Variants in C12orf42 observed in about 807,000 individuals in gnomAD.
C12orf42 encodes the protein chromosome 12 open reading frame 42, also known as uncharacterized protein C12orf42.
A neutral mutation model predicts 21.6 loss-of-function variants in C12orf42; 25 were observed. The ratio of observed to expected loss-of-function variants is 1.16; its 90% CI spans 0.84 to 1.62. The LOEUF (loss-of-function observed/expected upper bound fraction) is 1.62. Among genes scored for constraint, C12orf42 ranks in the 40% most tolerant of loss-of-function variants. The probability of loss-of-function intolerance (pLI) is 0.00; values close to 1 mark genes in which losing one functional copy is unlikely to be tolerated. For missense variants in C12orf42, 483 were observed against 459.3 expected (o/e 1.05, Z -0.47); for synonymous variants, 174 against 175.0 (o/e 0.99, Z 0.05).
At chr12:103,281,929 AAG>A (rs2036155561) in intron 4 of C12orf42, among the ~76,000 whole-genome samples, 1 of 149,084 alleles carries the variant, frequency 6.7e-6, no homozygotes, top group Non-Finnish European at 1.5e-5. Context: ...GAAAGAAAGA[AAG>A]AAAGAAAGAA....
chr12:103,225,405 G>A, the C12orf42 span, among the ~76,000 whole-genome samples: 3 of 152,162 alleles, frequency 2.0e-5, no homozygotes, highest in East Asian at 1.9e-4. Flanking sequence ...TTTTTAAAGC[G>A]TGTTGCGGGA....
the C12orf42 span, among the ~76,000 whole-genome samples, chr12:103,212,939 C>CATAT: frequency 8.0e-5 from 12 of 149,290 alleles, no homozygotes; most frequent in African/African-American, 2.5e-4. Context: ...ACACGCACTA[C>CATAT]ATATATATAT....
the C12orf42 span, among the ~76,000 whole-genome samples, chr12:103,107,130 C>A: frequency 6.6e-6 from 1 of 151,932 alleles, no homozygotes; most frequent in East Asian, 1.9e-4. Flanking sequence ...AATTGGCAAA[C>A]TTGATATAGA....
chr12:103,278,106 G>T (rs1165947989), intron 4 of C12orf42, among the ~76,000 whole-genome samples: 1 of 152,128 alleles, frequency 6.6e-6, no homozygotes, highest in East Asian at 1.9e-4. Flanking sequence ...ACAAAAAGTG[G>T]ATGGTAGGGA....
chr12:103,390,485 C>A, intron 3 of C12orf42, among the ~76,000 whole-genome samples: 1 of 152,168 alleles, frequency 6.6e-6, no homozygotes, highest in East Asian at 1.9e-4. Context: ...CCCCTGGTAA[C>A]CTCTATTCTA....
chr12:103,081,419 C>T, the C12orf42 span: 1 of 152,256 alleles, frequency 6.6e-6, no homozygotes, highest in Non-Finnish European at 1.5e-5. Flanking sequence ...CATAGAGAGG[C>T]TGTCAATGTT....
At chr12:103,070,812 G>C in the C12orf42 span, among the ~76,000 whole-genome samples, 1 of 152,090 alleles carries the variant, frequency 6.6e-6, no homozygotes, top group East Asian at 1.9e-4. Flanking sequence ...GTAAATATGG[G>C]TAACTTCTCA....
At chr12:103,162,543 G>T in the C12orf42 span, among the ~76,000 whole-genome samples, 1 of 150,670 alleles carries the variant, frequency 6.6e-6, no homozygotes, top group Non-Finnish European at 1.5e-5. Context: ...GTGTGTGCAG[G>T]AGCATGTGTA....
At chr12:103,330,717 C>A (rs947210764) in intron 4 of C12orf42, among the ~76,000 whole-genome samples, 2 of 152,170 alleles carry the variant, frequency 1.3e-5, no homozygotes, top group East Asian at 3.8e-4. Context: ...CTTTTCACAA[C>A]CTATATAATC....
At position 103,308,273 on chromosome 12, in the gene C12orf42, C is replaced by T. The variant is rs141811397; in HGVS notation, c.260-1928G>A. Among the ~76,000 whole-genome samples the T allele has an allele frequency of 2.4e-3, 368 of 152,046 alleles. 2 individuals are homozygous for T. Among genetic ancestry groups the T allele is most frequent in the African/African-American group, 8.4e-3 (347 of 41,464 alleles). Reference sequence around the variant, plus strand: ...ACATGGAAAAATACTTATTATAGTGCAACATAAAAGTATATAATTTTGATT... The same window carrying T: ...ACATGGAAAAATACTTATTATAGTGTAACATAAAAGTATATAATTTTGATT... On this transcript the variant is annotated intron_variant, in intron 4 of 5. Transcript: ENST00000548883.
At chr12:103,334,296 C>G (rs1316318454) in intron 4 of C12orf42, among the ~76,000 whole-genome samples, 3 of 152,144 alleles carry the variant, frequency 2.0e-5, no homozygotes, top group African/African-American at 7.2e-5. Context: ...GTGAGATTTA[C>G]AAACAGGAAG....
At position 103,476,641 on chromosome 12, in the gene C12orf42, T is replaced by C. The variant is rs144946372; in HGVS notation, c.78+1708A>G. 1.2e-4 allele frequency among the ~76,000 whole-genome samples: 19 copies of C among 152,318 alleles called. No homozygotes were observed. In the East Asian group the frequency reaches 3.5e-3, roughly 28 times the overall value. On this transcript the variant is annotated intron_variant, in intron 2 of 5. Transcript: ENST00000548883. ...AAGTGTTGTGTAAGGGGGATACTTT[T>C]CTTGGGCAGACAAAAGAGTAAATGT...
At chr12:103,187,360 C>T in the C12orf42 span, among the ~76,000 whole-genome samples, 6 of 152,160 alleles carry the variant, frequency 3.9e-5, no homozygotes, top group South Asian at 1.2e-3. Context: ...TTCCCATAGT[C>T]ACAACATTAA....
chr12:103,363,141 G>A (rs1312673473), intron 4 of C12orf42, among the ~76,000 whole-genome samples: 2 of 152,118 alleles, frequency 1.3e-5, no homozygotes, highest in Non-Finnish European at 2.9e-5. Context: ...CAGATTAACA[G>A]CGGATTTCTC....
chr12:103,184,930 A>G, the C12orf42 span, among the ~76,000 whole-genome samples: 1 of 152,160 alleles, frequency 6.6e-6, no homozygotes, highest in Non-Finnish European at 1.5e-5. Flanking sequence ...ATAGCAATAA[A>G]GAAGCCATCT....
At chr12:103,395,010 T>A (rs983233112) in intron 3 of C12orf42, among the ~76,000 whole-genome samples, 3 of 152,258 alleles carry the variant, frequency 2.0e-5, no homozygotes, top group African/African-American at 7.2e-5. Flanking sequence ...TTCCTTCATT[T>A]ATTCAATAAA....
At chr12:103,388,893 G>C (rs143089836) in intron 3 of C12orf42, among the ~76,000 whole-genome samples, 1 of 152,200 alleles carries the variant, frequency 6.6e-6, no homozygotes, top group African/African-American at 2.4e-5. Flanking sequence ...GGCAGCCAGG[G>C]GTAGCCTTGG....
At chr12:103,352,760 A>C (rs2043204611) in intron 4 of C12orf42, among the ~76,000 whole-genome samples, 1 of 152,156 alleles carries the variant, frequency 6.6e-6, no homozygotes, top group African/African-American at 2.4e-5. Context: ...GTCTCAATGC[A>C]ACCACTTATT....
At chr12:103,436,067 A>G (rs536191301) in intron 2 of C12orf42, among the ~76,000 whole-genome samples, 38 of 152,292 alleles carry the variant, frequency 2.5e-4, no homozygotes, top group African/African-American at 8.9e-4. Context: ...CAGAAACCCT[A>G]CAAGCCAGAA....
Sources: allele counts gnomAD v4.1 joint callset (sites outside exome capture counted in the v4.1 genomes callset), GRCh38; gene constraint gnomAD v4.1.1; transcripts MANE v1.5; gene names NCBI Gene and HGNC (gene_info 2026-07-23, HGNC 2026-07-21).